SH3KBP1: variants seen among roughly 807,000 people sequenced by gnomAD.
SH3KBP1 encodes the protein SH3 domain containing kinase binding protein 1.
SH3KBP1 carries 8 observed loss-of-function variants against 50.1 expected under a neutral mutation model. The ratio of observed to expected loss-of-function variants is 0.16; its 90% CI spans 0.09 to 0.29. The LOEUF (loss-of-function observed/expected upper bound fraction) is 0.29. Among genes scored for constraint, SH3KBP1 ranks in the 10% least tolerant of loss-of-function variants. The pLI is 1.00. For missense variants in SH3KBP1, 377 were observed against 535.2 expected, an observed-to-expected ratio of 0.70 and a Z score of 2.92; for synonymous variants, 227 against 218.6, an observed-to-expected ratio of 1.04 and a Z score of -0.34.
At position 19,646,353 on chromosome X, in the gene SH3KBP1, T is replaced by C. The variant is rs187569588; in HGVS notation, c.727-878A>G. On this transcript the variant is annotated intron_variant, in intron 6 of 17. Coordinates refer to ENST00000397821, the MANE Select transcript of SH3KBP1 (RefSeq NM_031892.3). Reference sequence around the variant, plus strand: ...CACAGGCAACTCAGCAGCTCAAAAATAGAAAGAAATATACAGATCCATTGG... The same window carrying C: ...CACAGGCAACTCAGCAGCTCAAAAACAGAAAGAAATATACAGATCCATTGG... 5.5e-3 allele frequency among the ~76,000 whole-genome samples: 615 copies of C among 112,042 alleles called. 1 individual carries two copies. Among genetic ancestry groups the C allele is most frequent in the African/African-American group, 7.6e-3 (233 of 30,847 alleles).
At chrX:19,636,445 C>T (rs946845773) in intron 7 of SH3KBP1, among the ~76,000 whole-genome samples, 2 of 110,854 alleles carry the variant, frequency 1.8e-5, no homozygotes, top group African/African-American at 6.6e-5. Context: ...TTACCTAGTT[C>T]CCACATCAAG....
chrX:19,871,799 C>T (rs1428315365), intron 1 of SH3KBP1, among the ~76,000 whole-genome samples: 1 of 111,112 alleles, frequency 9.0e-6, no homozygotes, highest in Admixed American at 9.6e-5. Flanking sequence ...AAGCTAGAAA[C>T]CACAAGGGGA....
intron 6 of SH3KBP1, among the ~76,000 whole-genome samples, chrX:19,675,358 G>A (rs2062900837): frequency 9.1e-6 from 1 of 109,756 alleles, no homozygotes; most frequent in Non-Finnish European, 1.9e-5. Context: ...AAGAGGCAGA[G>A]TTGAAGTCTG....
intron 13 of SH3KBP1, among the ~76,000 whole-genome samples, chrX:19,554,370 AAATAT>A (rs1176667777): frequency 2.1e-5 from 2 of 93,185 alleles, no homozygotes; most frequent in Non-Finnish European, 4.0e-5. Context: ...TATCATATTA[AAATAT>A]AATATATATC....
At chrX:19,706,763 T>A in intron 4 of SH3KBP1, 118 bp downstream of exon 4, 2 of 519,256 alleles carry the variant, frequency 3.9e-6, no homozygotes, top group Non-Finnish European at 6.5e-6. Context: ...AACTAGAGGA[T>A]CCCTAACTTC....
chrX:19,534,539 A>C lies in SH3KBP1; in HGVS notation c.*1878T>G. Reference sequence around the variant, plus strand: ...TTCTTAGATCATTAGGTCGTGGGGAATCTCTGGAATCTTCAAGTTTAACGC... The same window carrying C: ...TTCTTAGATCATTAGGTCGTGGGGACTCTCTGGAATCTTCAAGTTTAACGC... On this transcript the variant is annotated 3_prime_UTR_variant, in exon 18 of 18. Transcript: ENST00000397821. The C allele has an allele frequency of 5.1e-6, 1 of 196,833 alleles. No individual in the cohort carries two copies. The highest frequency in any genetic ancestry group is 2.9e-5 in the African/African-American group (1 of 34,698). 16.2% of individuals were successfully genotyped at this position (196,833 alleles called of 1,213,427 possible).
intron 3 of SH3KBP1, among the ~76,000 whole-genome samples, chrX:19,741,302 G>C (rs1463976128): frequency 8.9e-6 from 1 of 111,955 alleles, no homozygotes; most frequent in Non-Finnish European, 1.9e-5. Flanking sequence ...TCACCTCGTA[G>C]CATCAGAGCT....
intron 9 of SH3KBP1, among the ~76,000 whole-genome samples, chrX:19,595,761 G>A (rs765266208): frequency 9.0e-6 from 1 of 111,066 alleles, no homozygotes; most frequent in East Asian, 2.8e-4. Context: ...GATCAGGCTG[G>A]ACTTGGAAAA....
At chrX:19,807,972 T>C (rs924417104) in intron 2 of SH3KBP1, among the ~76,000 whole-genome samples, 4 of 112,011 alleles carry the variant, frequency 3.6e-5, no homozygotes, top group East Asian at 5.6e-4. Flanking sequence ...TTGAGCTGCG[T>C]TGAGGTTTGT....
intron 2 of SH3KBP1, among the ~76,000 whole-genome samples, chrX:19,746,656 G>T (rs2064927536): frequency 8.9e-6 from 1 of 111,797 alleles, no homozygotes; most frequent in African/African-American, 3.3e-5. Flanking sequence ...GCCCCAGTAT[G>T]GTGAGGCGAC....
chrX:19,682,103 T>A (rs2063068261), intron 6 of SH3KBP1, among the ~76,000 whole-genome samples: 1 of 109,944 alleles, frequency 9.1e-6, no homozygotes, highest in Admixed American at 9.7e-5. Context: ...GGTAGAGCAG[T>A]TGGAGGAGGA....
intron 6 of SH3KBP1, 91 bp from the exon 7 acceptor site, chrX:19,645,566 G>A (rs980201394): frequency 3.2e-5 from 24 of 750,223 alleles, no homozygotes; most frequent in African/African-American, 2.1e-4. Flanking sequence ...CAAAATGCTC[G>A]AAATTGGTTT....
chrX:19,816,530 A>G (rs2067359983), intron 2 of SH3KBP1, among the ~76,000 whole-genome samples: 1 of 112,127 alleles, frequency 8.9e-6, no homozygotes, highest in Admixed American at 9.5e-5. Context: ...TGTGTTGGCC[A>G]GGTGTGGTGG....
At chrX:19,683,518 G>T (rs2063104040) in intron 6 of SH3KBP1, among the ~76,000 whole-genome samples, 1 of 111,644 alleles carries the variant, frequency 9.0e-6, no homozygotes, top group Non-Finnish European at 1.9e-5. Context: ...ACTTAGGCGG[G>T]TCCAGGAATG....
intron 1 of SH3KBP1, among the ~76,000 whole-genome samples, chrX:19,883,676 C>T (rs1355326171): frequency 9.0e-6 from 1 of 111,428 alleles, no homozygotes; most frequent in African/African-American, 3.3e-5. Context: ...GGCCACTCTG[C>T]GACCAGGATG....
At chrX:19,630,766 C>A (rs1309392896) in intron 8 of SH3KBP1, among the ~76,000 whole-genome samples, 1 of 112,026 alleles carries the variant, frequency 8.9e-6, no homozygotes, top group Non-Finnish European at 1.9e-5. Context: ...CATTAGTTCC[C>A]TGACATGTTT....
intron 8 of SH3KBP1, among the ~76,000 whole-genome samples, chrX:19,618,385 CA>C (rs1169013925): frequency 0.017 from 302 of 18,190 alleles, no homozygotes; most frequent in African/African-American, 0.042. Context: ...GACTCTGTCT[CA>C]AAAAAAAAAA....
At chrX:19,540,712 G>T (rs1029985293) in intron 16 of SH3KBP1, among the ~76,000 whole-genome samples, 11 of 111,633 alleles carry the variant, frequency 9.9e-5, no homozygotes, top group African/African-American at 3.6e-4. Context: ...CTGGGGATGT[G>T]TTGACCTCAC....
At chrX:19,652,932 G>A (rs1460119637) in intron 6 of SH3KBP1, among the ~76,000 whole-genome samples, 1 of 112,147 alleles carries the variant, frequency 8.9e-6, no homozygotes. Flanking sequence ...TGCCAGTCTA[G>A]AGCCTTGTTA....
Sources: allele counts gnomAD v4.1 joint callset (sites outside exome capture counted in the v4.1 genomes callset), GRCh38; gene constraint gnomAD v4.1.1; transcripts MANE v1.5; gene names NCBI Gene and HGNC (gene_info 2026-07-23, HGNC 2026-07-21).